The following FAM177B variants were observed in gnomAD, a reference collection of about 807,000 sequenced individuals.
The protein encoded by FAM177B is family with sequence similarity 177 member B, also known as protein FAM177B.
A neutral mutation model predicts 16.1 loss-of-function variants in FAM177B; 16 were observed. The observed-to-expected ratio is 0.99, with a 90% CI of 0.67 to 1.51. The LOEUF is 1.51. Among genes scored for constraint, FAM177B ranks in the 40% most tolerant of loss-of-function variants. FAM177B has a pLI of 0.00. For missense variants in FAM177B, 178 were observed against 183.7 expected, an observed-to-expected ratio of 0.97 and a Z score of 0.18; for synonymous variants, 56 against 59.9, an observed-to-expected ratio of 0.93 and a Z score of 0.30.
intron 3 of FAM177B, 35 bp from the exon 4 acceptor site, chr1:222,746,980 A>G: frequency 7.1e-7 from 1 of 1,399,482 alleles, no homozygotes; most frequent in Non-Finnish European, 1.0e-6. Flanking sequence ...CATTCCTCTT[A>G]TTAACTACTC....
rs373526768 is a variant in FAM177B at position 222,750,050 on chromosome 1, C to A, written c.469C>A (p.Pro157Thr). The A allele has an allele frequency of 2.0e-5, 32 of 1,613,058 alleles. No homozygotes were observed. The highest frequency in any genetic ancestry group is 2.7e-5 in the Non-Finnish European group (32 of 1,179,866). ...TIQQDVTEAI[P>T]Q ...ACAACAGGATGTGACAGAGGCCATT[C>A]CTCAGTGAAGCACCTCATCCAGGGA... Residue 157 changes from proline to threonine, a missense_variant, in exon 6 of 6, where the codon CCT (proline) becomes ACT (threonine). Pro to Thr is a conservative substitution (Grantham distance 38, BLOSUM62 -1). Transcript: ENST00000445590.
chr1:222,741,557 C>T (rs1424460408), intron 2 of FAM177B, among the ~76,000 whole-genome samples: 2 of 145,954 alleles, frequency 1.4e-5, no homozygotes, highest in African/African-American at 2.6e-5. Flanking sequence ...GAGATGGCAT[C>T]TTCTCTGTCG....
At chr1:222,739,528 T>A (rs1658432318) in intron 2 of FAM177B, among the ~76,000 whole-genome samples, 2 of 152,220 alleles carry the variant, frequency 1.3e-5, no homozygotes, top group Non-Finnish European at 2.9e-5. Flanking sequence ...GTGTGGCCTG[T>A]CTTTGAAATT....
chr1:222,745,487 C>T lies in FAM177B; in HGVS notation c.-15-1044C>T, dbSNP rs140751184. On this transcript the variant is annotated intron_variant, in intron 2 of 5. Transcript: ENST00000445590. ...TTTTAATTAGCCAGGCTTGGTGGCA[C>T]GCACCTGTGGTGCCAGCTACTCAGG... Among the ~76,000 whole-genome samples the T allele has an allele frequency of 8.5e-5, 13 of 152,174 alleles. No homozygotes were observed. The East Asian group carries it at 1.4e-3, about 16-fold the overall frequency.
intron 4 of FAM177B, 169 bp downstream of exon 4, chr1:222,747,250 C>T: frequency 5.2e-6 from 3 of 576,426 alleles, no homozygotes; most frequent in South Asian, 2.3e-5. Context: ...CATCCTCAGG[C>T]AGACCCTTCA....
chr1:222,741,907 T>TCCCTCCCTCCCTCCCTCC (rs1357508903), intron 2 of FAM177B, among the ~76,000 whole-genome samples: 2 of 13,038 alleles, frequency 1.5e-4, no homozygotes, highest in South Asian at 5.1e-3. Context: ...CCTCCCTCCC[T>TCCCTCCCTCCCTCCCTCC]CTCTCTCTCT....
At chr1:222,741,374 T>C (rs1658525288) in intron 2 of FAM177B, among the ~76,000 whole-genome samples, 1 of 152,120 alleles carries the variant, frequency 6.6e-6, no homozygotes, top group Admixed American at 6.5e-5. Flanking sequence ...CATCTTACTT[T>C]TTCTTACCTC....
chr1:222,738,366 A>G (rs1658379980), intron 2 of FAM177B, among the ~76,000 whole-genome samples: 2 of 152,090 alleles, frequency 1.3e-5, no homozygotes, highest in Admixed American at 1.3e-4. Flanking sequence ...ATACTTAGGA[A>G]CTATCCTTCA....
intron 5 of FAM177B, 72 bp from the exon 6 acceptor site, chr1:222,749,849 T>C (rs1658977403): frequency 6.7e-7 from 1 of 1,485,302 alleles, no homozygotes; most frequent in African/African-American, 1.4e-5. Flanking sequence ...ACATGGGCAT[T>C]ATATACAAGA....
At chr1:222,748,560 T>G (rs1054433759) in intron 4 of FAM177B, among the ~76,000 whole-genome samples, 7 of 152,178 alleles carry the variant, frequency 4.6e-5, no homozygotes, top group African/African-American at 1.7e-4. Flanking sequence ...AGATTTTGTT[T>G]GAATGGAGTT....
intron 2 of FAM177B, among the ~76,000 whole-genome samples, chr1:222,741,061 T>TTC (rs891989054): frequency 3.7e-5 from 5 of 135,052 alleles, no homozygotes. Flanking sequence ...TGTTTTCTTT[T>TTC]TTTTTTTTTT....
At position 222,740,463 on chromosome 1, in the gene FAM177B, T is replaced by C. The variant is rs1658472039; in HGVS notation, c.-16+2442T>C. Among the ~76,000 whole-genome samples, 6 of 152,190 alleles carry C rather than the reference T, an allele frequency of 3.9e-5. No homozygotes were observed. In the South Asian group the frequency reaches 1.2e-3, roughly 32 times the overall value. On this transcript the variant is annotated intron_variant, in intron 2 of 5. Coordinates refer to ENST00000445590, the MANE Select transcript of FAM177B (RefSeq NM_001394345.1). ...ACTGTTTCCTCTCTCTTGCCTTCTT[T>C]CACAGTGTTTCTGTTCTTTTTTATT...
chr1:222,742,772 C>T (rs936486858), intron 2 of FAM177B, among the ~76,000 whole-genome samples: 1 of 151,932 alleles, frequency 6.6e-6, no homozygotes, highest in African/African-American at 2.4e-5. Context: ...TCTTCGTATG[C>T]TTAATCAATA....
At chr1:222,740,685 AGT>A (rs1558246152) in intron 2 of FAM177B, among the ~76,000 whole-genome samples, 1 of 152,098 alleles carries the variant, frequency 6.6e-6, no homozygotes, top group East Asian at 1.9e-4. Context: ...CCACCAAAAT[AGT>A]GTTTTTGGTT....
chr1:222,749,019 T>G (rs1475491728), intron 4 of FAM177B: 1 of 472,138 alleles, frequency 2.1e-6, no homozygotes, highest in East Asian at 7.0e-5. Flanking sequence ...TTAAACAACT[T>G]CTGAGAAGTC....
intron 2 of FAM177B, among the ~76,000 whole-genome samples, chr1:222,739,186 T>G (rs1458985031): frequency 2.0e-5 from 3 of 152,184 alleles, no homozygotes; most frequent in Admixed American, 6.5e-5. Context: ...TTGACTATAA[T>G]GAGACTATTA....
At chr1:222,748,984 C>T (rs901638062) in intron 4 of FAM177B, 2 of 471,388 alleles carry the variant, frequency 4.2e-6, no homozygotes, top group Admixed American at 4.7e-5. Flanking sequence ...GGCCACCTTG[C>T]TACTGAAGGC....
intron 2 of FAM177B, among the ~76,000 whole-genome samples, chr1:222,744,890 A>T (rs1022764333): frequency 6.6e-6 from 1 of 152,238 alleles, no homozygotes; most frequent in Non-Finnish European, 1.5e-5. Context: ...CATGATATCT[A>T]TTAGAACACT....
Position 222,746,538 on chromosome 1 carries a change from G to T in FAM177B, c.-8G>T. On this transcript the variant is annotated 5_prime_UTR_variant, in exon 3 of 6. Transcript: ENST00000445590. Reference sequence around the variant, plus strand: ...CTGTTTTTAATTTTCTAGTTGTTTTGTTTCATTATGGAGATTGACGGTTTC... The same window carrying T: ...CTGTTTTTAATTTTCTAGTTGTTTTTTTTCATTATGGAGATTGACGGTTTC... 1.9e-6 allele frequency: 3 copies of T among 1,571,258 alleles called. No homozygotes were observed. The highest frequency in any genetic ancestry group is 2.3e-5 in the South Asian group (2 of 86,682).
Sources: gnomAD v4.1 joint callset for allele counts (sites outside exome capture counted in the v4.1 genomes callset) on GRCh38, gnomAD v4.1.1 for gene constraint, MANE v1.5 for transcripts, NCBI Gene and HGNC (gene_info 2026-07-23, HGNC 2026-07-21) for gene names.